The following EHBP1 variants were observed in gnomAD, a reference collection of about 807,000 sequenced individuals.
EHBP1 encodes the protein EH domain-binding protein 1.
A neutral mutation model predicts 144.0 loss-of-function variants in EHBP1; 55 were observed. That is an observed-to-expected ratio of 0.38 (90% CI 0.31 to 0.48). EHBP1 has a LOEUF of 0.48. Among genes scored for constraint, EHBP1 ranks in the 20% least tolerant of loss-of-function variants. EHBP1 has a pLI of 0.98. For synonymous variants in EHBP1, 469 were observed against 472.7 expected, an observed-to-expected ratio of 0.99 and a Z score of 0.10; for missense variants, 1,200 against 1,364.2, an observed-to-expected ratio of 0.88 and a Z score of 1.90.
chr2:62,954,569 G>GA (rs1433352877), intron 13 of EHBP1, among the ~76,000 whole-genome samples: 31 of 151,604 alleles, frequency 2.0e-4, no homozygotes, highest in Admixed American at 6.6e-4. Flanking sequence ...TAAGTTTATA[G>GA]AAAAAAAGGC....
chr2:62,948,568 A>G lies in EHBP1; in HGVS notation c.1722A>G (p.Ser574=). ...TCAGCGGAGCAGTAGACTTCTTATCACAGGATGACTCTGTATTTGTAAATG... is the reference window on the plus strand; with the variant it reads ...TCAGCGGAGCAGTAGACTTCTTATCGCAGGATGACTCTGTATTTGTAAATG... ...QPISGAVDFL[S]QDDSVFVNDS... The change falls in exon 13 of 23, where the codon TCA becomes TCG. Residue 574 remains serine, a synonymous_variant. Coordinates refer to ENST00000431489, the MANE Select transcript of EHBP1 (RefSeq NM_001142616.3). The G allele has an allele frequency of 6.2e-7, 1 of 1,614,118 alleles. No homozygotes were observed. The highest frequency in any genetic ancestry group is 1.1e-5 in the South Asian group (1 of 91,080).
At chr2:63,029,004 G>A (rs2061111163) in intron 19 of EHBP1, among the ~76,000 whole-genome samples, 1 of 151,878 alleles carries the variant, frequency 6.6e-6, no homozygotes, top group Non-Finnish European at 1.5e-5. Flanking sequence ...TAAACTTTAT[G>A]TTCATAACCA....
At chr2:62,947,906 G>A (rs1337162396) in intron 12 of EHBP1, among the ~76,000 whole-genome samples, 2 of 152,098 alleles carry the variant, frequency 1.3e-5, no homozygotes, top group East Asian at 1.9e-4. Flanking sequence ...TTACATGACT[G>A]TGGAAAAGAG....
At chr2:62,711,879 C>T (rs2035176417) in intron 2 of EHBP1, among the ~76,000 whole-genome samples, 1 of 152,030 alleles carries the variant, frequency 6.6e-6, no homozygotes, top group East Asian at 1.9e-4. Context: ...AGGAATGGTT[C>T]AATGGAGTGG....
At chr2:63,029,929 C>T (rs186246074) in intron 19 of EHBP1, among the ~76,000 whole-genome samples, 12 of 151,846 alleles carry the variant, frequency 7.9e-5, no homozygotes, top group Non-Finnish European at 1.6e-4. Flanking sequence ...TGGGGTTTCA[C>T]CATGTTGGTC....
chr2:62,885,765 C>A (rs1427750510), intron 10 of EHBP1, among the ~76,000 whole-genome samples: 2 of 152,086 alleles, frequency 1.3e-5, no homozygotes, highest in Admixed American at 1.3e-4. Flanking sequence ...AAGAGCCCCA[C>A]CGTACATTCC....
intron 6 of EHBP1, among the ~76,000 whole-genome samples, chr2:62,827,766 C>G (rs1307358066): frequency 6.6e-6 from 1 of 151,792 alleles, no homozygotes; most frequent in Non-Finnish European, 1.5e-5. Flanking sequence ...CTCCTGGGTT[C>G]AAGTGATTTT....
chr2:62,920,663 T>C (rs1306973542), intron 10 of EHBP1, among the ~76,000 whole-genome samples: 2 of 139,728 alleles, frequency 1.4e-5, no homozygotes, highest in African/African-American at 6.4e-5. Context: ...ATTAATCATA[T>C]TTTTTTTTTC....
At chr2:62,818,853 A>G (rs4671452) in intron 5 of EHBP1, among the ~76,000 whole-genome samples, 16,866 of 152,286 alleles carry the variant, frequency 0.11, 1,218 homozygotes, top group East Asian at 0.19. Context: ...ACAAGACCAT[A>G]TATTTTGCAG....
chr2:62,841,954 A>T (rs2047917895), intron 7 of EHBP1, among the ~76,000 whole-genome samples: 1 of 152,130 alleles, frequency 6.6e-6, no homozygotes. Flanking sequence ...GAAGATGGGA[A>T]GTCCAATATG....
chr2:62,981,944 A>G (rs2058991494), intron 15 of EHBP1, among the ~76,000 whole-genome samples: 1 of 152,158 alleles, frequency 6.6e-6, no homozygotes, highest in Non-Finnish European at 1.5e-5. Context: ...TGGATGTTGG[A>G]AGCAGCTACA....
intron 5 of EHBP1, among the ~76,000 whole-genome samples, chr2:62,820,060 A>G (rs1479345856): frequency 6.6e-6 from 1 of 151,838 alleles, no homozygotes; most frequent in East Asian, 1.9e-4. Context: ...AAAATACAAA[A>G]ATTAGCCAGG....
At chr2:62,717,881 C>A (rs1044628889) in intron 2 of EHBP1, among the ~76,000 whole-genome samples, 1 of 152,012 alleles carries the variant, frequency 6.6e-6, no homozygotes, top group African/African-American at 2.4e-5. Context: ...AGAGAGAGCA[C>A]GTATTACTAG....
chr2:63,043,920 CTTTTTTTTTTTTTTTTTTTTTTTTTTT>C (rs70962802), intron 21 of EHBP1: 5 of 9,384 alleles, frequency 5.3e-4, no homozygotes, highest in Non-Finnish European at 8.2e-4. Flanking sequence ...GGCCATGGTT[CTTTTTTTTTTTTTTTTTTTTTTTTTTT>C]TTTTTTTTTT....
Position 62,734,231 on chromosome 2 carries a change from A to G in EHBP1, c.105-13164A>G, listed in dbSNP as rs572104540. ...TTTGAATATAGTTTATCAATATTAC[A>G]TCTTGATTTTGAGACATAGTGAAAG... On this transcript the variant is annotated intron_variant, in intron 2 of 22. Transcript: ENST00000431489. Among the ~76,000 whole-genome samples, 29 of 151,642 alleles carry G rather than the reference A, an allele frequency of 1.9e-4. No homozygotes were observed. In the South Asian group the frequency reaches 5.4e-3, roughly 28 times the overall value.
chr2:62,688,363 GAC>G (rs760384426), intron 1 of EHBP1, among the ~76,000 whole-genome samples: 2 of 151,872 alleles, frequency 1.3e-5, no homozygotes, highest in Admixed American at 1.3e-4. Context: ...TTTTTTCATT[GAC>G]ACATAATTAT....
At chr2:62,886,859 T>C (rs1467539068) in intron 10 of EHBP1, among the ~76,000 whole-genome samples, 6 of 152,188 alleles carry the variant, frequency 3.9e-5, no homozygotes, top group African/African-American at 7.2e-5. Context: ...TTTTAAAATA[T>C]ATATATGTTG....
intron 2 of EHBP1, among the ~76,000 whole-genome samples, chr2:62,746,771 A>T (rs144535596): frequency 1.3e-5 from 2 of 152,062 alleles, no homozygotes; most frequent in Non-Finnish European, 2.9e-5. Context: ...GAGAAGAGAA[A>T]TCTGAGATTA....
At chr2:62,924,038 A>G (rs72890505) in intron 10 of EHBP1, among the ~76,000 whole-genome samples, 6,751 of 152,204 alleles carry the variant, frequency 0.044, 538 homozygotes, top group African/African-American at 0.15. Flanking sequence ...GCTTGTACCC[A>G]TATCCCAAGC....
Sources: allele counts gnomAD v4.1 joint callset (sites outside exome capture counted in the v4.1 genomes callset), GRCh38; gene constraint gnomAD v4.1.1; transcripts MANE v1.5; gene names NCBI Gene and HGNC (gene_info 2026-07-23, HGNC 2026-07-21).